CACNB4: variants seen among roughly 807,000 people sequenced by gnomAD.
CACNB4 encodes the protein voltage-dependent L-type calcium channel subunit beta-4.
Under a neutral mutation model 71.2 loss-of-function variants are expected in CACNB4, and 32 were observed. The ratio of observed to expected loss-of-function variants is 0.45; its 90% CI spans 0.34 to 0.60. CACNB4 has a LOEUF of 0.60. Among genes scored for constraint, CACNB4 ranks in the 20% least tolerant of loss-of-function variants. The probability of loss-of-function intolerance (pLI) is 0.01; values close to 1 mark genes in which losing one functional copy is unlikely to be tolerated. For synonymous variants in CACNB4, 231 were observed against 236.9 expected (o/e 0.97, Z 0.23); for missense variants, 464 against 647.9 (o/e 0.72, Z 3.08).
intron 2 of CACNB4, among the ~76,000 whole-genome samples, chr2:152,013,859 G>A (rs528001817): frequency 1.3e-5 from 2 of 152,334 alleles, no homozygotes; most frequent in Non-Finnish European, 2.9e-5. Flanking sequence ...AGACTTCCCA[G>A]CTTTGCTCCA....
At chr2:151,933,664 G>GA (rs1414146616) in intron 2 of CACNB4, among the ~76,000 whole-genome samples, 25 of 152,276 alleles carry the variant, frequency 1.6e-4, no homozygotes, top group African/African-American at 6.0e-4. Flanking sequence ...CACAGGCCCA[G>GA]AAGGTGGTGC....
Position 151,842,006 on chromosome 2 carries a change from C to A in CACNB4, c.1199G>T (p.Arg400Leu). 6.2e-7 allele frequency: 1 copy of A among 1,613,688 alleles called. No individual in the cohort carries two copies. Residue 400 changes from arginine (R) to leucine (L), a missense_variant, in exon 13 of 14, where the codon CGT becomes CTT. Arg to Leu is a moderately radical substitution (Grantham distance 102). Coordinates refer to ENST00000539935, the MANE Select transcript of CACNB4 (RefSeq NM_000726.5). ...TGTGCTACTGGTTGTGTGGGTGGCA[C>A]GCCAGTACGCCTCCAGGTACTCCCC... Reference protein sequence around the residue: ...HLGEYLEAYWRATHTTSSTPM... With the variant: ...HLGEYLEAYWLATHTTSSTPM...
At chr2:151,992,450 AG>A (rs1232303966) in intron 2 of CACNB4, among the ~76,000 whole-genome samples, 1 of 152,272 alleles carries the variant, frequency 6.6e-6, no homozygotes, top group African/African-American at 2.4e-5. Context: ...AAAATGCAAG[AG>A]CAACTATAGC....
At chr2:151,963,955 G>C (rs1390175245) in intron 2 of CACNB4, among the ~76,000 whole-genome samples, 1 of 151,566 alleles carries the variant, frequency 6.6e-6, no homozygotes, top group East Asian at 1.9e-4. Flanking sequence ...TGTAATCCCA[G>C]CTACTCAGGA....
At chr2:152,016,835 C>T (rs1683373847) in intron 2 of CACNB4, among the ~76,000 whole-genome samples, 1 of 152,192 alleles carries the variant, frequency 6.6e-6, no homozygotes, top group Non-Finnish European at 1.5e-5. Flanking sequence ...ATAATAGCTG[C>T]CATTCTGTGT....
chr2:152,019,134 G>C (rs1429630482), intron 2 of CACNB4, among the ~76,000 whole-genome samples: 1 of 152,194 alleles, frequency 6.6e-6, no homozygotes, highest in Non-Finnish European at 1.5e-5. Context: ...ATAAAGACCA[G>C]TATTGCATTA....
At chr2:152,079,314 T>C (rs532563933) in intron 2 of CACNB4, among the ~76,000 whole-genome samples, 1 of 151,896 alleles carries the variant, frequency 6.6e-6, no homozygotes, top group Non-Finnish European at 1.5e-5. Context: ...GGTCTCGATC[T>C]CCTGACCTCG....
In CACNB4 at chr2:152,092,430, GT is replaced by G. The variant is rs1010481031; in HGVS notation, c.147+5899del. Among the ~76,000 whole-genome samples the G allele has an allele frequency of 1.6e-4, 24 of 152,122 alleles. 1 individual carries two copies. Among genetic ancestry groups the G allele is most frequent in the Admixed American group, 1.2e-3 (19 of 15,264 alleles). ...CTAGTATCAACCTAAAAATCTGAAT[GT>G]TTTAGATCTCTAAATACAGTGTGGT... On this transcript the variant is annotated intron_variant, in intron 2 of 13. Coordinates refer to ENST00000539935, the MANE Select transcript of CACNB4 (RefSeq NM_000726.5).
intron 2 of CACNB4, among the ~76,000 whole-genome samples, chr2:151,996,563 C>A (rs921149067): frequency 6.6e-6 from 1 of 151,796 alleles, no homozygotes; most frequent in African/African-American, 2.4e-5. Flanking sequence ...AGTGACCTTA[C>A]ATAATCCTTC....
At chr2:152,021,413 A>T (rs1168063256) in intron 2 of CACNB4, among the ~76,000 whole-genome samples, 1 of 152,218 alleles carries the variant, frequency 6.6e-6, no homozygotes, top group East Asian at 1.9e-4. Context: ...TCAAATAAGG[A>T]GTAATGTTAC....
intron 2 of CACNB4, among the ~76,000 whole-genome samples, chr2:151,920,315 C>CTTTTTTTTTTTTTTTTT (rs1559996320): frequency 1.2e-5 from 1 of 81,052 alleles, no homozygotes; most frequent in African/African-American, 5.2e-5. Context: ...TCTTCTTCTT[C>CTTTTTTTTTTTTTTTTT]TTCTTTTTTT....
rs1191819138 is a variant in CACNB4 at position 151,841,914 on chromosome 2, A to G, written c.1291T>C (p.Ser431Pro). ...TALSPYPTAI[S>P]GLQSQRMRHS... ...AAAAGTGACAATACCTGTAACCCAG[A>G]AATTGCTGTGGGATATGGTGAGAGT... The change falls in exon 13 of 14, where the codon TCT becomes CCT. Residue 431 changes from serine (S) to proline (P), a missense_variant. Physicochemically the swap from Ser to Pro is moderately conservative, Grantham distance 74. Transcript: ENST00000539935. The G allele has an allele frequency of 6.2e-7, 1 of 1,613,626 alleles. No individual in the cohort carries two copies. The highest frequency in any genetic ancestry group is 1.7e-5 in the Admixed American group (1 of 59,938).
chr2:152,061,870 G>A (rs1180271647), intron 2 of CACNB4, among the ~76,000 whole-genome samples: 1 of 151,636 alleles, frequency 6.6e-6, no homozygotes, highest in Non-Finnish European at 1.5e-5. Context: ...AAATTAGCTG[G>A]GTGTGGTGGC....
intron 2 of CACNB4, among the ~76,000 whole-genome samples, chr2:151,927,821 G>A (rs2099860632): frequency 6.6e-6 from 1 of 152,238 alleles, no homozygotes; most frequent in African/African-American, 2.4e-5. Flanking sequence ...CTGATGGGCT[G>A]GAAAATAAAA....
intron 2 of CACNB4, among the ~76,000 whole-genome samples, chr2:152,079,825 T>C (rs892388739): frequency 6.6e-6 from 1 of 152,072 alleles, no homozygotes; most frequent in African/African-American, 2.4e-5. Context: ...CCCCCTGAAT[T>C]ACATCAGACC....
chr2:152,034,544 C>T (rs1684457298), intron 2 of CACNB4, among the ~76,000 whole-genome samples: 1 of 152,226 alleles, frequency 6.6e-6, no homozygotes, highest in Non-Finnish European at 1.5e-5. Context: ...GGGCAAGCGG[C>T]TTCCCTTGCA....
At chr2:151,971,599 G>A (rs1444801459) in intron 2 of CACNB4, 1 of 702,996 alleles carries the variant, frequency 1.4e-6, no homozygotes, top group South Asian at 1.5e-5. Context: ...CACTCCAGGT[G>A]TGGCTTTATG....
intron 2 of CACNB4, among the ~76,000 whole-genome samples, chr2:151,887,831 TG>T (rs2099849752): frequency 6.6e-6 from 1 of 152,162 alleles, no homozygotes; most frequent in African/African-American, 2.4e-5. Flanking sequence ...TTCAACATCA[TG>T]GGGGAAATTC....
intron 9 of CACNB4, among the ~76,000 whole-genome samples, chr2:151,864,930 C>T (rs1443114861): frequency 6.6e-6 from 1 of 152,286 alleles, no homozygotes; most frequent in East Asian, 1.9e-4. Context: ...TACCATGACC[C>T]CTCTCATTCC....
Sources: allele counts gnomAD v4.1 joint callset (sites outside exome capture counted in the v4.1 genomes callset), GRCh38; gene constraint gnomAD v4.1.1; transcripts MANE v1.5; gene names NCBI Gene and HGNC (gene_info 2026-07-23, HGNC 2026-07-21).